The following GRIK1 variants were observed in gnomAD, a reference collection of about 807,000 sequenced individuals.
GRIK1 encodes the protein glutamate receptor ionotropic, kainate 1.
In GRIK1, 69 loss-of-function variants were observed where a neutral mutation model predicts 105.7. The ratio of observed to expected loss-of-function variants is 0.65; its 90% CI spans 0.54 to 0.80. GRIK1 has a LOEUF of 0.80. GRIK1 is among the 30% of genes least tolerant of loss of function. The pLI is 0.00. For synonymous variants in GRIK1, 438 were observed against 431.3 expected, an observed-to-expected ratio of 1.02 and a Z score of -0.19; for missense variants, 1,109 against 1,167.3, an observed-to-expected ratio of 0.95 and a Z score of 0.73.
chr21:29,812,156 A>T (rs1035017554), intron 1 of GRIK1, among the ~76,000 whole-genome samples: 2 of 152,160 alleles, frequency 1.3e-5, no homozygotes, highest in African/African-American at 4.8e-5. Flanking sequence ...AAATTTTCCC[A>T]ATATAAAATA....
intron 1 of GRIK1, among the ~76,000 whole-genome samples, chr21:29,772,761 A>G (rs1219365254): frequency 6.6e-6 from 1 of 152,214 alleles, no homozygotes; most frequent in Non-Finnish European, 1.5e-5. Context: ...ATTAGGCAGA[A>G]GCAGTTTGCA....
chr21:29,582,704 A>G (rs1386965326), intron 12 of GRIK1, among the ~76,000 whole-genome samples: 2 of 152,190 alleles, frequency 1.3e-5, no homozygotes, highest in Non-Finnish European at 2.9e-5. Context: ...AGACATTAGC[A>G]GAAGCTCAAC....
chr21:29,765,111 T>C (rs928760616), intron 1 of GRIK1, among the ~76,000 whole-genome samples: 16 of 152,354 alleles, frequency 1.1e-4, no homozygotes, highest in South Asian at 4.1e-4. Flanking sequence ...TCCCTTCTTA[T>C]AGCTCCTGCC....
chr21:29,852,807 A>G (rs1438745347), intron 1 of GRIK1, among the ~76,000 whole-genome samples: 1 of 152,200 alleles, frequency 6.6e-6, no homozygotes, highest in Non-Finnish European at 1.5e-5. Context: ...AAATTACTAC[A>G]TTTCAAAGTT....
At chr21:29,854,108 A>C (rs1486218820) in intron 1 of GRIK1, among the ~76,000 whole-genome samples, 2 of 152,160 alleles carry the variant, frequency 1.3e-5, no homozygotes, top group Non-Finnish European at 2.9e-5. Context: ...AGGCTGTACA[A>C]GAAGCATGAT....
intron 1 of GRIK1, among the ~76,000 whole-genome samples, chr21:29,814,326 T>A (rs1298913246): frequency 6.6e-6 from 1 of 152,002 alleles, no homozygotes; most frequent in African/African-American, 2.4e-5. Flanking sequence ...GATAGGCAGA[T>A]GCATTCCACA....
intron 1 of GRIK1, among the ~76,000 whole-genome samples, chr21:29,897,729 C>T (rs1413167166): frequency 6.6e-6 from 1 of 152,192 alleles, no homozygotes; most frequent in African/African-American, 2.4e-5. Flanking sequence ...CAGCCATAAA[C>T]CATGGGCAAG....
At chr21:29,651,915 T>C (rs942695459) in intron 5 of GRIK1, among the ~76,000 whole-genome samples, 7 of 152,062 alleles carry the variant, frequency 4.6e-5, no homozygotes, top group Non-Finnish European at 1.0e-4. Flanking sequence ...AGAACATTTT[T>C]CCCATTGTTT....
intron 1 of GRIK1, among the ~76,000 whole-genome samples, chr21:29,860,998 G>GT (rs530044419): frequency 0.02 from 2,955 of 146,536 alleles, 67 homozygotes; most frequent in African/African-American, 0.054. Context: ...ATTTCATCTG[G>GT]TTTTTTTTTT....
intron 3 of GRIK1, among the ~76,000 whole-genome samples, chr21:29,687,382 C>T (rs543056178): frequency 6.6e-6 from 1 of 152,254 alleles, no homozygotes; most frequent in East Asian, 1.9e-4. Context: ...AAGGCAAGAA[C>T]CCTGAGTCAA....
intron 1 of GRIK1, among the ~76,000 whole-genome samples, chr21:29,875,577 T>G (rs2146157028): frequency 6.6e-6 from 1 of 152,282 alleles, no homozygotes; most frequent in East Asian, 1.9e-4. Flanking sequence ...CTGGAAACAA[T>G]GCCTCTCAGC....
chr21:29,918,825 GT>G (rs1316664361), intron 1 of GRIK1, among the ~76,000 whole-genome samples: 1 of 151,960 alleles, frequency 6.6e-6, no homozygotes, highest in East Asian at 1.9e-4. Flanking sequence ...TTATTTTATT[GT>G]TTTGTCAAGA....
intron 4 of GRIK1, among the ~76,000 whole-genome samples, chr21:29,663,947 A>G (rs1050628611): frequency 2.0e-5 from 3 of 152,172 alleles, no homozygotes; most frequent in African/African-American, 7.2e-5. Context: ...ATGATGAGAG[A>G]TAGAGAAAAG....
chr21:29,764,310 C>T (rs761682214), intron 1 of GRIK1, among the ~76,000 whole-genome samples: 5 of 152,264 alleles, frequency 3.3e-5, no homozygotes, highest in South Asian at 2.1e-4. Context: ...TATTTTTCCA[C>T]GGATGTTCAG....
intron 4 of GRIK1, among the ~76,000 whole-genome samples, chr21:29,658,076 G>A (rs2062888981): frequency 6.6e-6 from 1 of 152,032 alleles, no homozygotes; most frequent in South Asian, 2.1e-4. Context: ...TATTAGGGCG[G>A]TATTGCTAGG....
chr21:29,543,891 C>T (rs908265849), intron 16 of GRIK1, among the ~76,000 whole-genome samples: 9 of 152,272 alleles, frequency 5.9e-5, no homozygotes, highest in Middle Eastern at 6.8e-3. Flanking sequence ...CTCGAAAGCC[C>T]CTGTCTTCCT....
intron 1 of GRIK1, among the ~76,000 whole-genome samples, chr21:29,795,027 A>ATTTTTTTTTTTTT (rs1569102231): frequency 2.4e-5 from 2 of 82,152 alleles, no homozygotes; most frequent in African/African-American, 8.4e-5. Context: ...CTTTGCTCTA[A>ATTTTTTTTTTTTT]ATTTTTTTTT....
At chr21:29,842,991 T>G (rs890506120) in intron 1 of GRIK1, among the ~76,000 whole-genome samples, 2 of 152,236 alleles carry the variant, frequency 1.3e-5, no homozygotes, top group African/African-American at 4.8e-5. Context: ...TATTTCTGAC[T>G]CTACAATCCA....
chr21:29,891,273 A>T (rs555214954), intron 1 of GRIK1, among the ~76,000 whole-genome samples: 17 of 152,198 alleles, frequency 1.1e-4, no homozygotes, highest in Non-Finnish European at 1.9e-4. Context: ...CAGGAATCCG[A>T]TCATTCAGTA....
Sources: allele counts gnomAD v4.1 joint callset (sites outside exome capture counted in the v4.1 genomes callset), GRCh38; gene constraint gnomAD v4.1.1; transcripts MANE v1.5; gene names NCBI Gene and HGNC (gene_info 2026-07-23, HGNC 2026-07-21).